The following DENND5A variants were observed in gnomAD, a reference collection of about 807,000 sequenced individuals.
DENND5A encodes DENN domain-containing protein 5A.
In DENND5A, 64 loss-of-function variants were observed where a neutral mutation model predicts 140.3. The ratio of observed to expected loss-of-function variants is 0.46; its 90% CI spans 0.37 to 0.56. The LOEUF (loss-of-function observed/expected upper bound fraction) is 0.56, where lower values mean the gene tolerates loss of function less well. Ranked by LOEUF, DENND5A falls within the 20% of genes least tolerant of loss-of-function variation. The pLI is 0.00. For missense variants in DENND5A, 1,292 were observed against 1,593.8 expected (o/e 0.81, Z 3.22); for synonymous variants, 605 against 607.7 (o/e 1.00, Z 0.07).
In DENND5A at chr11:9,174,102, CAAAAAAAAAAAAA is replaced by C. The variant is rs57703622; in HGVS notation, c.1907-3338_1907-3326del. 1.9e-4 allele frequency among the ~76,000 whole-genome samples: 8 copies of C among 42,148 alleles called. No individual in the cohort carries two copies. The South Asian group carries it at 5.5e-3, about 29-fold the overall frequency. 27.7% of individuals were successfully genotyped at this position (42,148 alleles called of 152,430 possible). On this transcript the variant is annotated intron_variant, in intron 8 of 22. Coordinates refer to ENST00000328194, the MANE Select transcript of DENND5A (RefSeq NM_015213.4). ...TGGGCGATAGAGCAAGACTCCGTCT[CAAAAAAAAAAAAA>C]AAAAAAAAAAAAAAGAAAAAAAAAT...
chr11:9,149,601 G>T (rs1847544662), intron 15 of DENND5A, among the ~76,000 whole-genome samples: 3 of 152,204 alleles, frequency 2.0e-5, no homozygotes, highest in Admixed American at 1.3e-4. Context: ...GTAGAGTGTG[G>T]ACAGGGACTA....
intron 8 of DENND5A, among the ~76,000 whole-genome samples, chr11:9,173,015 G>A (rs1374264974): frequency 2.0e-5 from 3 of 151,060 alleles, no homozygotes; most frequent in Non-Finnish European, 3.0e-5. Flanking sequence ...TAGTAGCAAC[G>A]GGGTTTCACC....
Position 9,139,676 on chromosome 11 carries a change from T to C in DENND5A, c.3859A>G (p.Ile1287Val), listed in dbSNP as rs1004244831. The C allele has an allele frequency of 6.2e-7, 1 of 1,613,220 alleles. No homozygotes were observed. The highest frequency in any genetic ancestry group is 1.1e-5 in the South Asian group (1 of 90,830). Residue 1287 changes from isoleucine to valine, a missense_variant, in exon 23 of 23, where the codon ATC becomes GTC. Physicochemically the swap from Ile to Val is conservative, Grantham distance 29. This residue lies in a region of DENND5A where 498 missense variants were observed against 689.7 expected (regional missense o/e 0.72). Transcript: ENST00000328194. ...TGCTGGCTGGTGCTGGGAGGTCAGA[T>C]GTCGATGCCCTTGACAAGGGACGTC... ...LETSLVKGID[I>V]
intron 11 of DENND5A, among the ~76,000 whole-genome samples, chr11:9,162,764 G>C (rs75777280): frequency 6.6e-6 from 1 of 151,822 alleles, no homozygotes; most frequent in East Asian, 1.9e-4. Flanking sequence ...GCAGTGGCTC[G>C]ATCATGGTTC....
chr11:9,147,402 T>C (rs1847467510), intron 15 of DENND5A, among the ~76,000 whole-genome samples: 1 of 152,144 alleles, frequency 6.6e-6, no homozygotes. Flanking sequence ...TACTATAATA[T>C]CAAGTGTCAG....
chr11:9,150,561 G>T, intron 14 of DENND5A, 119 bp downstream of exon 14: 1 of 683,270 alleles, frequency 1.5e-6, no homozygotes, highest in African/African-American at 1.8e-5. Context: ...GATTAGGAGG[G>T]CTTCCATGTT....
intron 1 of DENND5A, among the ~76,000 whole-genome samples, chr11:9,247,440 T>C (rs1160013474): frequency 6.6e-6 from 1 of 151,996 alleles, no homozygotes; most frequent in Non-Finnish European, 1.5e-5. Flanking sequence ...GAGTTTATAA[T>C]ACAGCTCTAT....
chr11:9,178,934 T>G lies in DENND5A; in HGVS notation c.1595A>C (p.Glu532Ala). The G allele has an allele frequency of 1.2e-6, 2 of 1,614,116 alleles. No individual in the cohort carries two copies. Among genetic ancestry groups the G allele is most frequent in the Non-Finnish European group, 1.7e-6 (2 of 1,180,014 alleles). The change falls in exon 7 of 23, where the codon GAG becomes GCG. Residue 532 changes from glutamate (E) to alanine (A), a missense_variant. Glu to Ala is a moderately radical substitution (Grantham distance 107). Transcript: ENST00000328194. ...NRFTQMFADY[E>A]VFVIQPSQDK... ...CTGGCTGGGTTGGATGACAAACACC[T>G]CATAATCTGCAAACATCTGAGTGAA...
At chr11:9,201,481 G>A (rs1252347329) in intron 4 of DENND5A, among the ~76,000 whole-genome samples, 1 of 151,922 alleles carries the variant, frequency 6.6e-6, no homozygotes, top group Non-Finnish European at 1.5e-5. Flanking sequence ...GACCAGCCTG[G>A]GCAATGTAGC....
At chr11:9,146,252 C>T (rs1417166833) in intron 16 of DENND5A, among the ~76,000 whole-genome samples, 4 of 152,136 alleles carry the variant, frequency 2.6e-5, no homozygotes, top group Admixed American at 1.3e-4. Context: ...AAGTTTGCCT[C>T]GGGTCTTCTA....
intron 4 of DENND5A, among the ~76,000 whole-genome samples, chr11:9,202,722 A>G (rs11608172): frequency 0.29 from 43,306 of 151,938 alleles, 6,815 homozygotes; most frequent in South Asian, 0.5. Context: ...CATTCACTCC[A>G]TTCCATCCAC....
chr11:9,258,154 G>T (rs1435592571), intron 1 of DENND5A, among the ~76,000 whole-genome samples: 1 of 151,998 alleles, frequency 6.6e-6, no homozygotes, highest in East Asian at 1.9e-4. Flanking sequence ...AAGTTCTGGG[G>T]TACATGTGCA....
Position 9,142,640 on chromosome 11 carries a change from G to A in DENND5A, c.3511+82C>T, listed in dbSNP as rs1012959070. 2.3e-5 allele frequency: 35 copies of A among 1,529,626 alleles called. No homozygotes were observed. In the Admixed American group the frequency reaches 2.3e-4, roughly 10 times the overall value. The allele number at this position is 1,529,626 out of a possible 1,614,324, so 94.8% of individuals were successfully genotyped here. A position where few individuals can be genotyped will look rare whatever the true frequency, so the allele number is the denominator to read the frequency against. On this transcript the variant is annotated intron_variant, in intron 21 of 22. Transcript: ENST00000328194. ...CCTAATTTGGGTTCTGCCTCTCAGA[G>A]TGGTCAGCACCCATGCTATGCTGGT... is the stretch of plus-strand genomic sequence containing the variant.
At chr11:9,179,985 G>A (rs56842300) in intron 6 of DENND5A, among the ~76,000 whole-genome samples, 26 of 152,024 alleles carry the variant, frequency 1.7e-4, no homozygotes, top group Non-Finnish European at 3.4e-4. Flanking sequence ...AGTAACTTAC[G>A]AAAGTAATTT....
chr11:9,213,257 C>G (rs1297991116), intron 1 of DENND5A, among the ~76,000 whole-genome samples: 2 of 151,916 alleles, frequency 1.3e-5, no homozygotes, highest in Non-Finnish European at 2.9e-5. Flanking sequence ...CCACCCGCCT[C>G]AGCCTCCCAA....
At chr11:9,200,146 A>G (rs7112540) in intron 4 of DENND5A, among the ~76,000 whole-genome samples, 94,220 of 151,982 alleles carry the variant, frequency 0.62, 29,817 homozygotes, top group African/African-American at 0.72. Context: ...TTTTTCCATT[A>G]TGTTCATCAT....
At chr11:9,156,898 A>T (rs931631619) in intron 12 of DENND5A, among the ~76,000 whole-genome samples, 4 of 151,598 alleles carry the variant, frequency 2.6e-5, no homozygotes, top group African/African-American at 9.7e-5. Flanking sequence ...GAAGGAAGGA[A>T]GGAAGGAAGG....
At chr11:9,188,769 A>G (rs1849009628) in intron 5 of DENND5A, among the ~76,000 whole-genome samples, 1 of 152,180 alleles carries the variant, frequency 6.6e-6, no homozygotes. Context: ...CTAAGCAGCA[A>G]AGCATTCAAG....
At chr11:9,188,185 C>G (rs1008984494) in intron 5 of DENND5A, among the ~76,000 whole-genome samples, 12 of 152,294 alleles carry the variant, frequency 7.9e-5, no homozygotes, top group African/African-American at 2.9e-4. Context: ...CTCAAGAGAT[C>G]TGATGGTTTT....
Sources: allele counts gnomAD v4.1 joint callset (sites outside exome capture counted in the v4.1 genomes callset), GRCh38; gene constraint gnomAD v4.1.1; regional missense constraint gnomAD v4.1.1; transcripts MANE v1.5; gene names NCBI Gene and HGNC (gene_info 2026-07-23, HGNC 2026-07-21).